Variants in L3MBTL4 observed in about 807,000 individuals in gnomAD.
L3MBTL4 encodes the protein L3MBTL histone methyl-lysine binding protein 4, also known as lethal(3)malignant brain tumor-like protein 4.
L3MBTL4 carries 70 observed loss-of-function variants against 84.5 expected under a neutral mutation model. The ratio of observed to expected loss-of-function variants is 0.83; its 90% CI spans 0.68 to 1.01. The LOEUF (loss-of-function observed/expected upper bound fraction) is 1.01, where lower values mean the gene tolerates loss of function less well. Ranked by LOEUF, L3MBTL4 falls within the 50% of genes least tolerant of loss-of-function variation. The pLI is 0.00. For missense variants in L3MBTL4, 715 were observed against 754.8 expected (o/e 0.95, Z 0.62); for synonymous variants, 274 against 259.8 (o/e 1.05, Z -0.52).
intron 1 of L3MBTL4, among the ~76,000 whole-genome samples, chr18:6,324,876 T>A (rs912255814): frequency 1.3e-5 from 2 of 152,214 alleles, no homozygotes; most frequent in Admixed American, 1.3e-4. Flanking sequence ...AAGCTTTGAA[T>A]ATGCACTTCA....
intron 16 of L3MBTL4, among the ~76,000 whole-genome samples, chr18:6,043,869 A>G (rs1349967329): frequency 2.6e-5 from 4 of 152,166 alleles, no homozygotes; most frequent in Non-Finnish European, 5.9e-5. Flanking sequence ...GACTTTTTAA[A>G]TCTCACTTCT....
At chr18:6,004,199 A>C (rs1216224257) in intron 16 of L3MBTL4, among the ~76,000 whole-genome samples, 2 of 152,308 alleles carry the variant, frequency 1.3e-5, no homozygotes, top group South Asian at 2.1e-4. Flanking sequence ...GAGGATATTC[A>C]TACTGATTCT....
rs1041247288 is a variant in L3MBTL4, at chr18:6,073,843, T to C, written c.1444+7038A>G. Among the ~76,000 whole-genome samples the C allele has an allele frequency of 2.0e-5, 3 of 152,282 alleles. No homozygotes were observed. The South Asian group carries it at 6.2e-4, about 32-fold the overall frequency. ...GTTTATAACATTTAATACATTGAGATAAGGTGTTTTGTTTCTTTGTTAAAA... is the reference window on the plus strand; with the variant it reads ...GTTTATAACATTTAATACATTGAGACAAGGTGTTTTGTTTCTTTGTTAAAA... On this transcript the variant is annotated intron_variant, in intron 16 of 18. Coordinates refer to ENST00000317931, the MANE Select transcript of L3MBTL4 (RefSeq NM_001330559.2).
rs182452933 is a variant in L3MBTL4 at position 6,164,750 on chromosome 18, G to T, written c.1096+7078C>A. On this transcript the variant is annotated intron_variant, in intron 13 of 18. Coordinates refer to ENST00000317931, the MANE Select transcript of L3MBTL4 (RefSeq NM_001330559.2). ...GGGTAAAAAACAGAGCAGAAAAACCGGAAACCCTAAAAAATCAGAGTGCCT... is the reference window on the plus strand; with the variant it reads ...GGGTAAAAAACAGAGCAGAAAAACCTGAAACCCTAAAAAATCAGAGTGCCT... Among the ~76,000 whole-genome samples, 464 of 152,248 alleles carry T rather than the reference G, an allele frequency of 3.0e-3. 13 individuals are homozygous for T. Among genetic ancestry groups the T allele is most frequent in the Admixed American group, 0.029 (442 of 15,278 alleles).
chr18:6,399,505 G>C (rs961378842), intron 1 of L3MBTL4, among the ~76,000 whole-genome samples: 3 of 152,106 alleles, frequency 2.0e-5, no homozygotes, highest in Non-Finnish European at 4.4e-5. Context: ...TGTTCTTGAA[G>C]GTATATTAAC....
intron 1 of L3MBTL4, among the ~76,000 whole-genome samples, chr18:6,389,169 GC>G (rs1309551915): frequency 2.6e-5 from 4 of 152,190 alleles, no homozygotes; most frequent in African/African-American, 9.6e-5. Context: ...AGAACTGTCA[GC>G]CAAGAATTCT....
intron 16 of L3MBTL4, among the ~76,000 whole-genome samples, chr18:5,979,172 A>G (rs1337895008): frequency 1.3e-5 from 2 of 152,158 alleles, no homozygotes; most frequent in Non-Finnish European, 1.5e-5. Flanking sequence ...TGAATGCCTC[A>G]TGGATTGTGC....
chr18:6,138,434 CGATGTATTATTAATAT>C (rs1448363245), intron 13 of L3MBTL4, 138 bp from the exon 14 acceptor site: 1 of 564,362 alleles, frequency 1.8e-6, no homozygotes, highest in Non-Finnish European at 3.1e-6. Flanking sequence ...AGGTGACTTA[CGATGTATTATTAATAT>C]TAAATTATTT....
rs574916078 is a variant in L3MBTL4, at chr18:6,167,249, C to A, written c.1096+4579G>T. ...TCACAGCTGAATTCTACCAGAGGTACAAGGAGGAGCTGGTAGCATTCTTCC... is the reference window on the plus strand; with the variant it reads ...TCACAGCTGAATTCTACCAGAGGTAAAAGGAGGAGCTGGTAGCATTCTTCC... On this transcript the variant is annotated intron_variant, in intron 13 of 18. Transcript: ENST00000317931. Among the ~76,000 whole-genome samples, 7 of 152,274 alleles carry A rather than the reference C, an allele frequency of 4.6e-5. No individual in the cohort carries two copies. The East Asian group carries it at 1.3e-3, about 29-fold the overall frequency.
At chr18:6,205,104 G>A (rs1415758343) in intron 12 of L3MBTL4, among the ~76,000 whole-genome samples, 2 of 152,220 alleles carry the variant, frequency 1.3e-5, no homozygotes, top group Non-Finnish European at 1.5e-5. Context: ...TCAAGTTAAG[G>A]ATCTTGAGAC....
Position 6,109,517 on chromosome 18 carries a change from A to G in L3MBTL4, c.1200-15989T>C, listed in dbSNP as rs140829581. 6.6e-5 allele frequency among the ~76,000 whole-genome samples: 10 copies of G among 152,218 alleles called. No homozygotes were observed. The East Asian group carries it at 1.9e-3, about 30-fold the overall frequency. ...GGCCTGAGCACCCCTCTAATAGGCT[A>G]CATGCTCTTCTTGGAGGCCCTTTCT... On this transcript the variant is annotated intron_variant, in intron 14 of 18. Coordinates refer to ENST00000317931, the MANE Select transcript of L3MBTL4 (RefSeq NM_001330559.2).
intron 16 of L3MBTL4, among the ~76,000 whole-genome samples, chr18:6,067,200 C>T (rs1404272414): frequency 6.6e-6 from 1 of 152,088 alleles, no homozygotes; most frequent in African/African-American, 2.4e-5. Context: ...TTATAGGTCA[C>T]CTTATGCTTT....
chr18:6,253,201 AAAAC>A (rs144665524), intron 5 of L3MBTL4, among the ~76,000 whole-genome samples: 13,133 of 151,974 alleles, frequency 0.086, 1,830 homozygotes, highest in African/African-American at 0.29. Context: ...ACTCCGTCTC[AAAAC>A]AAACAAACAA....
At chr18:6,357,188 A>G (rs1248370904) in intron 1 of L3MBTL4, among the ~76,000 whole-genome samples, 1 of 152,204 alleles carries the variant, frequency 6.6e-6, no homozygotes, top group Non-Finnish European at 1.5e-5. Context: ...TCTATCCCCC[A>G]AAATTGTAAT....
At chr18:6,118,352 T>C (rs1051153749) in intron 14 of L3MBTL4, among the ~76,000 whole-genome samples, 3 of 152,136 alleles carry the variant, frequency 2.0e-5, no homozygotes, top group Non-Finnish European at 2.9e-5. Context: ...CGGAAACTTT[T>C]CTGGAAATTC....
At chr18:6,030,673 C>A (rs1057349528) in intron 16 of L3MBTL4, 3 of 956,746 alleles carry the variant, frequency 3.1e-6, no homozygotes, top group Non-Finnish European at 2.5e-6. Context: ...TAATTTTTGT[C>A]AAATAAAAAA....
chr18:6,196,350 G>A (rs530245988), intron 12 of L3MBTL4, among the ~76,000 whole-genome samples: 48 of 152,124 alleles, frequency 3.2e-4, no homozygotes, highest in East Asian at 1.5e-3. Context: ...GTAAAGACGC[G>A]GTTTCACCGT....
At chr18:6,364,420 T>A (rs1245551487) in intron 1 of L3MBTL4, among the ~76,000 whole-genome samples, 3 of 152,060 alleles carry the variant, frequency 2.0e-5, no homozygotes, top group South Asian at 4.1e-4. Flanking sequence ...TAGTAGTTTT[T>A]AAAAATATAA....
In L3MBTL4 at chr18:6,026,940, C is replaced by T. The variant is rs559050339; in HGVS notation, c.1444+53941G>A. On this transcript the variant is annotated intron_variant, in intron 16 of 18. Coordinates refer to ENST00000317931, the MANE Select transcript of L3MBTL4 (RefSeq NM_001330559.2). ...TATGTTAAATTTAACAACAATAAAA[C>T]CTAGATTATTAATATTCTTGCAACC... Among the ~76,000 whole-genome samples the T allele has an allele frequency of 5.9e-5, 9 of 152,074 alleles. No individual in the cohort carries two copies. In the East Asian group the frequency reaches 1.7e-3, roughly 29 times the overall value.
Sources: gnomAD v4.1 joint callset for allele counts (sites outside exome capture counted in the v4.1 genomes callset) on GRCh38, gnomAD v4.1.1 for gene constraint, MANE v1.5 for transcripts, NCBI Gene and HGNC (gene_info 2026-07-23, HGNC 2026-07-21) for gene names.